MCC: variants seen among roughly 807,000 people sequenced by gnomAD.
MCC encodes the protein MCC regulator of Wnt signaling pathway, also known as colorectal mutant cancer protein.
MCC carries 90 observed loss-of-function variants against 116.2 expected under a neutral mutation model. That is an observed-to-expected ratio of 0.77 (90% CI 0.65 to 0.92). The LOEUF is 0.92. MCC is among the 40% of genes least tolerant of loss of function. The pLI, the probability that MCC is intolerant of heterozygous loss-of-function variation, is 0.00. For synonymous variants in MCC, 578 were observed against 510.5 expected (o/e 1.13, Z -1.78); for missense variants, 1,516 against 1,312.2 (o/e 1.16, Z -2.40).
chr5:113,185,399 C>T (rs764864135), intron 3 of MCC, among the ~76,000 whole-genome samples: 6 of 152,168 alleles, frequency 3.9e-5, no homozygotes, highest in Non-Finnish European at 7.4e-5. Flanking sequence ...GGCATGAACA[C>T]TTGACTTCCT....
intron 3 of MCC, among the ~76,000 whole-genome samples, chr5:113,314,241 T>G (rs1767218926): frequency 6.6e-6 from 1 of 152,248 alleles, no homozygotes; most frequent in African/African-American, 2.4e-5. Context: ...GGGCTTCATT[T>G]TGCCTTTAAT....
At chr5:113,203,531 G>T (rs960692983) in intron 3 of MCC, among the ~76,000 whole-genome samples, 10 of 151,866 alleles carry the variant, frequency 6.6e-5, no homozygotes, top group African/African-American at 2.4e-4. Flanking sequence ...CTGCCCGGGG[G>T]GCCACCGAAT....
chr5:113,294,678 C>A (rs1217667673), intron 3 of MCC: 6 of 1,045,688 alleles, frequency 5.7e-6, no homozygotes, highest in Non-Finnish European at 5.7e-6. Flanking sequence ...GCGCACCCAG[C>A]GCCCCGTTCC....
intron 3 of MCC, among the ~76,000 whole-genome samples, chr5:113,320,542 A>G (rs1423003451): frequency 1.3e-5 from 2 of 152,060 alleles, no homozygotes; most frequent in African/African-American, 4.8e-5. Context: ...GGCCCTCTAC[A>G]TGTTCCAAAT....
chr5:113,209,207 A>G (rs1394978862), intron 3 of MCC, among the ~76,000 whole-genome samples: 3 of 152,252 alleles, frequency 2.0e-5, no homozygotes, highest in Non-Finnish European at 4.4e-5. Context: ...TAATTCAAGC[A>G]TAAAAAACTC....
intron 3 of MCC, chr5:113,269,089 A>T: frequency 1.2e-6 from 1 of 816,414 alleles, no homozygotes; most frequent in Non-Finnish European, 1.5e-6. Flanking sequence ...TATTTGATGG[A>T]GAAGACAGGG....
chr5:113,439,059 A>G lies in MCC; in HGVS notation c.170+49186T>C, dbSNP rs150501035. ...CCTGAAACCAAAGGACACCAGGAACATAACAATGCAGGGTCAAAGTCTGAG... is the reference window on the plus strand; with the variant it reads ...CCTGAAACCAAAGGACACCAGGAACGTAACAATGCAGGGTCAAAGTCTGAG... On this transcript the variant is annotated intron_variant, in intron 1 of 18. Transcript: ENST00000408903. 1.1e-4 allele frequency among the ~76,000 whole-genome samples: 16 copies of G among 152,336 alleles called. No individual in the cohort carries two copies. The East Asian group carries it at 3.1e-3, about 29-fold the overall frequency.
chr5:113,046,689 A>AG (rs1752104093), intron 16 of MCC, among the ~76,000 whole-genome samples: 1 of 23,198 alleles, frequency 4.3e-5, no homozygotes, highest in South Asian at 2.0e-3. Flanking sequence ...AAAAGGCAAA[A>AG]AAAAAAAAAA....
chr5:113,232,810 G>T (rs1321031105), intron 3 of MCC, among the ~76,000 whole-genome samples: 1 of 152,120 alleles, frequency 6.6e-6, no homozygotes, highest in African/African-American at 2.4e-5. Flanking sequence ...CTTTAAGGAG[G>T]CTTGGAGCCA....
intron 17 of MCC, 80 bp from the exon 18 acceptor site, chr5:113,029,136 G>T: frequency 3.5e-6 from 5 of 1,433,538 alleles, no homozygotes; most frequent in Non-Finnish European, 4.7e-6. Context: ...AGTGGTGACA[G>T]AAAGAGGAAG....
intron 2 of MCC, among the ~76,000 whole-genome samples, chr5:113,372,184 A>C (rs1160539073): frequency 2.0e-5 from 3 of 152,256 alleles, no homozygotes; most frequent in Non-Finnish European, 2.9e-5. Flanking sequence ...TGAGATAAAC[A>C]CACCTGGATT....
rs372163251 is a variant in MCC at position 113,081,614 on chromosome 5, T to C, written c.1784+1246A>G. Among the ~76,000 whole-genome samples, 57 of 152,244 alleles carry C rather than the reference T, an allele frequency of 3.7e-4. 3 individuals are homozygous for C. The highest frequency in any genetic ancestry group is 1.3e-3 in the African/African-American group (54 of 41,532). On this transcript the variant is annotated intron_variant, in intron 11 of 18. Coordinates refer to ENST00000408903, the MANE Select transcript of MCC (RefSeq NM_001085377.2). ...CCTGAAGGCATCTGACTTCATTAAA[T>C]TGCAAAGGGCATATCTGATTCAATT... is the stretch of plus-strand genomic sequence containing the variant.
intron 2 of MCC, among the ~76,000 whole-genome samples, chr5:113,347,739 T>G (rs550848442): frequency 9.2e-5 from 14 of 151,898 alleles, no homozygotes; most frequent in African/African-American, 3.1e-4. Flanking sequence ...AATAACAACA[T>G]TAAATGTAAA....
chr5:113,377,174 TTC>T (rs1302097557), intron 2 of MCC, among the ~76,000 whole-genome samples: 1 of 152,196 alleles, frequency 6.6e-6, no homozygotes, highest in Non-Finnish European at 1.5e-5. Context: ...CACATTTGCA[TTC>T]TCTCTCACCA....
chr5:113,229,802 A>G (rs1391280843), intron 3 of MCC, among the ~76,000 whole-genome samples: 1 of 152,232 alleles, frequency 6.6e-6, no homozygotes, highest in Admixed American at 6.5e-5. Context: ...GTACAGTAAC[A>G]TGCTGTACAG....
intron 1 of MCC, among the ~76,000 whole-genome samples, chr5:113,418,899 T>G (rs1440139415): frequency 6.6e-6 from 1 of 152,074 alleles, no homozygotes; most frequent in South Asian, 2.1e-4. Context: ...ATCACAGAGC[T>G]CCTCTTCGTG....
chr5:113,187,444 C>G (rs1761947633), intron 3 of MCC, among the ~76,000 whole-genome samples: 1 of 152,132 alleles, frequency 6.6e-6, no homozygotes, highest in Admixed American at 6.5e-5. Flanking sequence ...AGGCTAAAAG[C>G]ACTGTCAACT....
At chr5:113,165,049 G>A (rs899160673) in intron 3 of MCC, among the ~76,000 whole-genome samples, 3 of 152,208 alleles carry the variant, frequency 2.0e-5, no homozygotes, top group Admixed American at 1.3e-4. Flanking sequence ...TGCACCTCCT[G>A]CACCCCACCC....
chr5:113,138,572 T>G (rs879432796), intron 5 of MCC, among the ~76,000 whole-genome samples: 3 of 152,194 alleles, frequency 2.0e-5, no homozygotes, highest in Non-Finnish European at 4.4e-5. Flanking sequence ...GTCTTAATCT[T>G]AGACTTCCCA....
Sources: allele counts gnomAD v4.1 joint callset (sites outside exome capture counted in the v4.1 genomes callset), GRCh38; gene constraint gnomAD v4.1.1; transcripts MANE v1.5; gene names NCBI Gene and HGNC (gene_info 2026-07-23, HGNC 2026-07-21).